The following XKR6 variants were observed in gnomAD, a reference collection of about 807,000 sequenced individuals.
XKR6 encodes the protein XK-related protein 6.
Under a neutral mutation model 56.7 loss-of-function variants are expected in XKR6, and 22 were observed. That is an observed-to-expected ratio of 0.39 (90% confidence interval 0.28 to 0.55). The LOEUF (loss-of-function observed/expected upper bound fraction) is 0.55, where lower values mean the gene tolerates loss of function less well. XKR6 is among the 20% of genes least tolerant of loss of function. The pLI is 0.66. For synonymous variants in XKR6, 524 were observed against 387.8 expected, an observed-to-expected ratio of 1.35 and a Z score of -4.13; for missense variants, 852 against 889.0, an observed-to-expected ratio of 0.96 and a Z score of 0.53.
chr8:11,049,576 G>A (rs564603749), intron 1 of XKR6, among the ~76,000 whole-genome samples: 3 of 152,320 alleles, frequency 2.0e-5, no homozygotes, highest in African/African-American at 7.2e-5. Flanking sequence ...CAGAGAGAGG[G>A]AAATGGATCA....
chr8:10,899,780 C>A (rs1020999067), intron 2 of XKR6, among the ~76,000 whole-genome samples: 1 of 152,204 alleles, frequency 6.6e-6, no homozygotes, highest in African/African-American at 2.4e-5. Flanking sequence ...TTTCCTCCCA[C>A]AACGGGCAAA....
Position 11,160,899 on chromosome 8 carries a change from G to C in XKR6, c.764+39677C>G, listed in dbSNP as rs7834546. 5.3e-3 allele frequency among the ~76,000 whole-genome samples: 576 copies of C among 109,098 alleles called. 3 individuals are homozygous for C. The highest frequency in any genetic ancestry group is 0.024 in the African/African-American group (553 of 23,460). 71.6% of individuals were successfully genotyped at this position (109,098 alleles called of 152,430 possible). On this transcript the variant is annotated intron_variant, in intron 1 of 2. Coordinates refer to ENST00000416569, the MANE Select transcript of XKR6 (RefSeq NM_173683.4). ...TGCACTCCAGCCTGGGCAACAGAAC[G>C]AGACTCCGTCTCAAAAAAAAAAAAA...
intron 1 of XKR6, among the ~76,000 whole-genome samples, chr8:11,146,617 C>T (rs1375534085): frequency 6.8e-6 from 1 of 146,806 alleles, no homozygotes; most frequent in African/African-American, 2.5e-5. Context: ...TAGAGTGAGA[C>T]CCTGTCAAAA....
At chr8:11,163,630 C>A (rs1458343144) in intron 1 of XKR6, among the ~76,000 whole-genome samples, 1 of 152,232 alleles carries the variant, frequency 6.6e-6, no homozygotes, top group African/African-American at 2.4e-5. Flanking sequence ...TCGAGACACT[C>A]AGGAGGAATA....
At chr8:11,083,900 G>A (rs374788913) in intron 1 of XKR6, among the ~76,000 whole-genome samples, 4 of 151,900 alleles carry the variant, frequency 2.6e-5, no homozygotes, top group African/African-American at 9.7e-5. Flanking sequence ...AAGTTCTTGA[G>A]ACAGATTGTA....
intron 1 of XKR6, among the ~76,000 whole-genome samples, chr8:11,030,274 C>G (rs531704060): frequency 3.3e-5 from 5 of 152,316 alleles, no homozygotes; most frequent in Admixed American, 3.3e-4. Context: ...GACAACAGGC[C>G]TTCCAGAATG....
intron 1 of XKR6, chr8:11,194,908 C>T: frequency 1.9e-6 from 1 of 533,760 alleles, no homozygotes; most frequent in South Asian, 2.6e-5. Flanking sequence ...TATGCTGCAT[C>T]CCCAGTTGCA....
At chr8:11,010,136 G>T (rs565581660) in intron 1 of XKR6, among the ~76,000 whole-genome samples, 1 of 152,260 alleles carries the variant, frequency 6.6e-6, no homozygotes, top group Admixed American at 6.5e-5. Flanking sequence ...AAAGGAAGTA[G>T]TCATCTCTTA....
At chr8:11,014,261 A>C (rs1295779107) in intron 1 of XKR6, among the ~76,000 whole-genome samples, 4 of 152,190 alleles carry the variant, frequency 2.6e-5, no homozygotes, top group African/African-American at 9.6e-5. Flanking sequence ...GGAAGAAAAG[A>C]CTCCAAAGGA....
At chr8:11,147,557 G>C (rs1801048182) in intron 1 of XKR6, among the ~76,000 whole-genome samples, 1 of 151,322 alleles carries the variant, frequency 6.6e-6, no homozygotes, top group Admixed American at 6.6e-5. Flanking sequence ...TCAGGAGGCT[G>C]AGACAGGAGA....
At chr8:11,017,998 C>A (rs114686239) in intron 1 of XKR6, among the ~76,000 whole-genome samples, 4 of 152,110 alleles carry the variant, frequency 2.6e-5, no homozygotes, top group African/African-American at 7.2e-5. Flanking sequence ...TCCCCAGGCA[C>A]CTGAAATGAC....
At position 11,178,547 on chromosome 8, in the gene XKR6, A is replaced by AT. The variant is rs1802779230; in HGVS notation, c.764+22028_764+22029insA. ...TAAGTCCAAACATCTGAGAGGTAAA[A>AT]ATATATATATATATATATATATATA... On this transcript the variant is annotated intron_variant, in intron 1 of 2. Transcript: ENST00000416569. 8.4e-3 allele frequency among the ~76,000 whole-genome samples: 746 copies of AT among 88,456 alleles called. 13 individuals carry two copies. The highest frequency in any genetic ancestry group is 0.023 in the African/African-American group (404 of 17,194). The allele number at this position is 88,456 out of a possible 152,430, so 58.0% of individuals were successfully genotyped here.
intron 1 of XKR6, among the ~76,000 whole-genome samples, chr8:11,028,951 T>G (rs1798930898): frequency 6.6e-6 from 1 of 152,150 alleles, no homozygotes. Flanking sequence ...TGCTCCCTGG[T>G]ACCTGTCTCT....
intron 1 of XKR6, among the ~76,000 whole-genome samples, chr8:11,067,903 G>T (rs374682688): frequency 2.6e-5 from 4 of 152,362 alleles, no homozygotes; most frequent in African/African-American, 9.6e-5. Flanking sequence ...GACTGCAGCC[G>T]CGCCCATGCT....
intron 1 of XKR6, among the ~76,000 whole-genome samples, chr8:10,958,366 T>A (rs1017970146): frequency 6.6e-6 from 1 of 152,220 alleles, no homozygotes; most frequent in Non-Finnish European, 1.5e-5. Flanking sequence ...GATTAGAATG[T>A]TCATCTTCGT....
At chr8:11,040,842 G>A (rs972869965) in intron 1 of XKR6, among the ~76,000 whole-genome samples, 3 of 152,182 alleles carry the variant, frequency 2.0e-5, no homozygotes, top group African/African-American at 7.2e-5. Context: ...ATGGCCTCCT[G>A]TAAAACAGAA....
chr8:11,088,066 A>T (rs1052813428), intron 1 of XKR6, among the ~76,000 whole-genome samples: 1 of 152,250 alleles, frequency 6.6e-6, no homozygotes, highest in Non-Finnish European at 1.5e-5. Context: ...TGCAAACAAG[A>T]TAAGTAGCTT....
intron 1 of XKR6, among the ~76,000 whole-genome samples, chr8:11,120,473 T>G: frequency 6.6e-6 from 1 of 152,104 alleles, no homozygotes; most frequent in Non-Finnish European, 1.5e-5. Flanking sequence ...GGAATCCAAC[T>G]TACAAGGGAT....
At chr8:11,017,701 C>T (rs1443221463) in intron 1 of XKR6, among the ~76,000 whole-genome samples, 3 of 152,268 alleles carry the variant, frequency 2.0e-5, no homozygotes, top group Non-Finnish European at 1.5e-5. Context: ...CTGGGAAACA[C>T]GAGAGGGGCA....
Sources: gnomAD v4.1 joint callset for allele counts (sites outside exome capture counted in the v4.1 genomes callset) on GRCh38, gnomAD v4.1.1 for gene constraint, MANE v1.5 for transcripts, NCBI Gene and HGNC (gene_info 2026-07-23, HGNC 2026-07-21) for gene names.